Variants in CDK14 observed in about 807,000 individuals in gnomAD.
CDK14 encodes the protein cyclin dependent kinase 14.
CDK14 carries 34 observed loss-of-function variants against 60.7 expected under a neutral mutation model. The ratio of observed to expected loss-of-function variants is 0.56; its 90% CI spans 0.43 to 0.75. The LOEUF (loss-of-function observed/expected upper bound fraction) is 0.75. Among genes scored for constraint, CDK14 ranks in the 30% least tolerant of loss-of-function variants. The pLI is 0.00. For missense variants in CDK14, 482 were observed against 564.1 expected (o/e 0.85, Z 1.47); for synonymous variants, 197 against 203.7 (o/e 0.97, Z 0.28).
chr7:90,700,208 C>T (rs1801751754), intron 2 of CDK14, among the ~76,000 whole-genome samples: 1 of 152,174 alleles, frequency 6.6e-6, no homozygotes, highest in Non-Finnish European at 1.5e-5. Context: ...ATTCTCCTGC[C>T]TTAGCCTCCC....
At chr7:90,760,198 G>A (rs1804259520) in intron 4 of CDK14, among the ~76,000 whole-genome samples, 1 of 152,132 alleles carries the variant, frequency 6.6e-6, no homozygotes, top group Non-Finnish European at 1.5e-5. Flanking sequence ...AAAACCCCAG[G>A]AGAAATAGGG....
At chr7:90,838,802 G>A (rs1790197390) in intron 5 of CDK14, among the ~76,000 whole-genome samples, 1 of 152,154 alleles carries the variant, frequency 6.6e-6, no homozygotes, top group South Asian at 2.1e-4. Context: ...TGTTTATCAA[G>A]ACAATGCGTG....
chr7:91,097,933 A>T (rs1317585704), intron 12 of CDK14, among the ~76,000 whole-genome samples: 1 of 152,186 alleles, frequency 6.6e-6, no homozygotes, highest in Non-Finnish European at 1.5e-5. Context: ...AAGAGATGAG[A>T]TCATTCACCA....
intron 6 of CDK14, among the ~76,000 whole-genome samples, chr7:90,872,849 C>T (rs1791417389): frequency 6.6e-6 from 1 of 152,070 alleles, no homozygotes. Context: ...GAGTATATTC[C>T]ACCATAGATC....
intron 3 of CDK14, among the ~76,000 whole-genome samples, chr7:90,743,694 A>G (rs1584847764): frequency 2.0e-5 from 3 of 152,172 alleles, no homozygotes; most frequent in African/African-American, 7.2e-5. Context: ...TTACTAGTTT[A>G]TTAGACTTCT....
intron 3 of CDK14, among the ~76,000 whole-genome samples, chr7:90,737,875 A>G (rs1803186893): frequency 6.6e-6 from 1 of 152,178 alleles, no homozygotes; most frequent in African/African-American, 2.4e-5. Flanking sequence ...GGGGTACTCA[A>G]CAATCTTAAG....
At chr7:90,955,931 C>A in intron 9 of CDK14, 114 bp downstream of exon 9, 1 of 1,219,094 alleles carries the variant, frequency 8.2e-7, no homozygotes, top group Non-Finnish European at 1.2e-6. Flanking sequence ...GAGTGTTTGC[C>A]TGCATGTGGC....
intron 4 of CDK14, among the ~76,000 whole-genome samples, chr7:90,785,570 G>A (rs1805540974): frequency 6.6e-6 from 1 of 152,004 alleles, no homozygotes; most frequent in Non-Finnish European, 1.5e-5. Flanking sequence ...CAGATCACGA[G>A]GTCAGGAGAT....
chr7:91,033,872 G>C (rs1172773040), intron 10 of CDK14, among the ~76,000 whole-genome samples: 3 of 152,208 alleles, frequency 2.0e-5, no homozygotes, highest in Non-Finnish European at 1.5e-5. Context: ...AGAGAGAAAA[G>C]TTGTTGAGAT....
At chr7:91,026,731 G>A (rs1210521371) in intron 10 of CDK14, among the ~76,000 whole-genome samples, 2 of 152,132 alleles carry the variant, frequency 1.3e-5, no homozygotes, top group Non-Finnish European at 2.9e-5. Context: ...ATATGTCTGC[G>A]TAAATCAGTG....
chr7:90,660,832 T>C (rs1800851992), intron 2 of CDK14, among the ~76,000 whole-genome samples: 1 of 152,158 alleles, frequency 6.6e-6, no homozygotes, highest in Non-Finnish European at 1.5e-5. Flanking sequence ...GTTGGATTGG[T>C]TTAGTGAAGT....
At chr7:90,710,435 T>G (rs1273755568) in intron 2 of CDK14, 24 of 985,270 alleles carry the variant, frequency 2.4e-5, no homozygotes, top group Non-Finnish European at 2.8e-5. Context: ...TTTAGCTGGA[T>G]TGGATCTGAG....
At chr7:90,679,150 G>A (rs1801263202) in intron 2 of CDK14, among the ~76,000 whole-genome samples, 2 of 151,960 alleles carry the variant, frequency 1.3e-5, no homozygotes, top group South Asian at 2.1e-4. Context: ...TGAGGTCTTG[G>A]TATGTTGCCC....
chr7:90,641,621 G>T (rs1169828254), intron 2 of CDK14, among the ~76,000 whole-genome samples: 1 of 151,690 alleles, frequency 6.6e-6, no homozygotes, highest in African/African-American at 2.4e-5. Context: ...GGGCCGAGGT[G>T]GAAGTAGTGG....
At chr7:91,091,370 A>T (rs1432144817) in intron 12 of CDK14, among the ~76,000 whole-genome samples, 1 of 144,766 alleles carries the variant, frequency 6.9e-6, no homozygotes, top group Non-Finnish European at 1.5e-5. Flanking sequence ...ATATACATAT[A>T]TACATATATA....
At chr7:91,078,790 C>T (rs150327260) in intron 11 of CDK14, among the ~76,000 whole-genome samples, 1 of 152,118 alleles carries the variant, frequency 6.6e-6, no homozygotes, top group Non-Finnish European at 1.5e-5. Context: ...AGGGACATAG[C>T]AAATCATTAA....
intron 7 of CDK14, among the ~76,000 whole-genome samples, chr7:90,904,938 C>T (rs1197633129): frequency 1.3e-5 from 2 of 152,096 alleles, no homozygotes; most frequent in Non-Finnish European, 2.9e-5. Context: ...TATTTTCAGC[C>T]TAGAATTCTG....
chr7:90,936,970 T>A (rs1025347915), intron 8 of CDK14, among the ~76,000 whole-genome samples: 1 of 152,040 alleles, frequency 6.6e-6, no homozygotes, highest in African/African-American at 2.4e-5. Context: ...TCCTAGCTAT[T>A]TGGGAGGCTG....
At chr7:91,142,390 A>T (rs968488314) in intron 14 of CDK14, among the ~76,000 whole-genome samples, 1 of 152,184 alleles carries the variant, frequency 6.6e-6, no homozygotes, top group Non-Finnish European at 1.5e-5. Flanking sequence ...AGCAATTGCT[A>T]TTTACCTTCA....
Sources: allele counts gnomAD v4.1 joint callset (sites outside exome capture counted in the v4.1 genomes callset), GRCh38; gene constraint gnomAD v4.1.1; transcripts MANE v1.5; gene names NCBI Gene and HGNC (gene_info 2026-07-23, HGNC 2026-07-21).